ERC2: variants seen among roughly 807,000 people sequenced by gnomAD.
ERC2 encodes ELKS/RAB6-interacting/CAST family member 2.
In ERC2, 42 loss-of-function variants were observed where a neutral mutation model predicts 114.8. The ratio of observed to expected loss-of-function variants is 0.37; its 90% CI spans 0.29 to 0.47. The LOEUF (loss-of-function observed/expected upper bound fraction) is 0.47, where lower values mean the gene tolerates loss of function less well. Ranked by LOEUF, ERC2 falls within the 20% of genes least tolerant of loss-of-function variation. ERC2 has a pLI of 0.99. For missense variants in ERC2, 939 were observed against 1,150.7 expected (o/e 0.82, Z 2.66); for synonymous variants, 454 against 425.5 (o/e 1.07, Z -0.82).
intron 2 of ERC2, among the ~76,000 whole-genome samples, chr3:56,356,478 C>T (rs1391729869): frequency 6.6e-6 from 1 of 152,218 alleles, no homozygotes; most frequent in Non-Finnish European, 1.5e-5. Context: ...TAGTTGGCAT[C>T]TGACTATACC....
intron 15 of ERC2, among the ~76,000 whole-genome samples, chr3:55,732,241 G>T (rs1480380949): frequency 6.6e-6 from 1 of 152,158 alleles, no homozygotes; most frequent in Non-Finnish European, 1.5e-5. Flanking sequence ...ATAACAGGGG[G>T]TTATTTTGAT....
At chr3:56,418,526 C>T (rs969859014) in intron 2 of ERC2, among the ~76,000 whole-genome samples, 4 of 152,158 alleles carry the variant, frequency 2.6e-5, no homozygotes, top group African/African-American at 4.8e-5. Flanking sequence ...CAAGTGACCT[C>T]TCCTCTGAGG....
intron 2 of ERC2, among the ~76,000 whole-genome samples, chr3:56,336,801 G>A (rs2057873315): frequency 6.6e-6 from 1 of 151,982 alleles, no homozygotes; most frequent in Non-Finnish European, 1.5e-5. Flanking sequence ...TGTGTTATGT[G>A]GCTGAAAAGG....
chr3:55,996,767 G>A lies in ERC2; in HGVS notation c.2062-4517C>T, dbSNP rs1483433257. Among the ~76,000 whole-genome samples the A allele has an allele frequency of 3.9e-5, 6 of 152,228 alleles. No homozygotes were observed. The East Asian group carries it at 1.2e-3, about 29-fold the overall frequency. The stretch of plus-strand genomic sequence containing the variant: ...AGGCATTAAGAGGACTCTGACCATG[G>A]CTTGGGATGAGCAGTATATTAACTT... On this transcript the variant is annotated intron_variant, in intron 10 of 17. Coordinates refer to ENST00000288221, the MANE Select transcript of ERC2 (RefSeq NM_015576.3).
chr3:56,181,838 T>A (rs1455378687), intron 3 of ERC2, among the ~76,000 whole-genome samples: 1 of 152,202 alleles, frequency 6.6e-6, no homozygotes, highest in Non-Finnish European at 1.5e-5. Context: ...CATCCTATGG[T>A]GAGGCCTGTG....
chr3:55,631,108 A>G (rs575177292), intron 17 of ERC2, among the ~76,000 whole-genome samples: 31 of 151,940 alleles, frequency 2.0e-4, no homozygotes, highest in Non-Finnish European at 4.3e-4. Context: ...ATGGTGGTTT[A>G]GTTCAATACT....
chr3:55,771,730 T>C lies in ERC2; in HGVS notation c.2565-36812A>G, dbSNP rs116632587. Among the ~76,000 whole-genome samples, 1,113 of 148,108 alleles carry C rather than the reference T, an allele frequency of 7.5e-3. 14 individuals are homozygous for C. Among genetic ancestry groups the C allele is most frequent in the African/African-American group, 0.026 (1,061 of 40,430 alleles). ...TTGCTCCCATTGCACTGAGGCGAGATAATTAACCCTGCACACCTGATGAGA... is the reference window on the plus strand; with the variant it reads ...TTGCTCCCATTGCACTGAGGCGAGACAATTAACCCTGCACACCTGATGAGA... On this transcript the variant is annotated intron_variant, in intron 14 of 17. Transcript: ENST00000288221.
chr3:56,367,720 T>A (rs569948677), intron 2 of ERC2, among the ~76,000 whole-genome samples: 69 of 152,200 alleles, frequency 4.5e-4, no homozygotes, highest in Middle Eastern at 3.4e-3. Context: ...GTTACCAAAC[T>A]TTATCAAGCT....
At position 56,369,516 on chromosome 3, in the gene ERC2, T is replaced by A. The variant is rs566684385; in HGVS notation, c.657+64835A>T. Reference sequence around the variant, plus strand: ...TCAGACTCTAGTCCCACATTTGAATTCAACACATTTCCTACAGTGATAGTA... The same window carrying A: ...TCAGACTCTAGTCCCACATTTGAATACAACACATTTCCTACAGTGATAGTA... On this transcript the variant is annotated intron_variant, in intron 2 of 17. Coordinates refer to ENST00000288221, the MANE Select transcript of ERC2 (RefSeq NM_015576.3). Among the ~76,000 whole-genome samples the A allele has an allele frequency of 1.4e-4, 21 of 152,356 alleles. 1 individual carries two copies. In the South Asian group the frequency reaches 3.1e-3, roughly 23 times the overall value.
In ERC2 at chr3:55,583,544, TCTTCCTTCCTTC is replaced by T. The variant is rs377125700; in HGVS notation, c.*40-72280_*40-72269del. ...CCCTCCCTTCCTTCCTTCCTTCCTT[TCTTCCTTCCTTC>T]CTTCCTTCCTTCCTTCCTTCCTTCC... On this transcript the variant is annotated intron_variant, in intron 17 of 17. Coordinates refer to ENST00000288221, the MANE Select transcript of ERC2 (RefSeq NM_015576.3). 3.4e-3 allele frequency among the ~76,000 whole-genome samples: 131 copies of T among 39,046 alleles called. 1 individual carries two copies. Among genetic ancestry groups the T allele is most frequent in the East Asian group, 0.012 (21 of 1,810 alleles). 25.6% of individuals were successfully genotyped at this position (39,046 alleles called of 152,430 possible).
intron 17 of ERC2, among the ~76,000 whole-genome samples, chr3:55,605,767 A>G (rs566948337): frequency 5.9e-5 from 9 of 152,314 alleles, no homozygotes; most frequent in African/African-American, 2.2e-4. Context: ...TTAAACTACA[A>G]TTTCCTTAGA....
intron 4 of ERC2, among the ~76,000 whole-genome samples, chr3:56,155,229 T>G (rs1018628983): frequency 1.3e-5 from 2 of 152,158 alleles, no homozygotes; most frequent in Non-Finnish European, 2.9e-5. Context: ...ACAGGTACCA[T>G]GGGTCTTCTG....
intron 16 of ERC2, among the ~76,000 whole-genome samples, chr3:55,687,482 C>T (rs2062394424): frequency 6.6e-6 from 1 of 152,024 alleles, no homozygotes; most frequent in Admixed American, 6.5e-5. Context: ...ACTGTCACTC[C>T]TGTCCTAGAA....
At chr3:56,272,548 T>C (rs1278956588) in intron 3 of ERC2, among the ~76,000 whole-genome samples, 1 of 152,220 alleles carries the variant, frequency 6.6e-6, no homozygotes, top group South Asian at 2.1e-4. Flanking sequence ...GGCAGGCAGA[T>C]CACCTGACAT....
chr3:56,358,377 C>T (rs371056266), intron 2 of ERC2, among the ~76,000 whole-genome samples: 3 of 152,166 alleles, frequency 2.0e-5, no homozygotes, highest in East Asian at 1.9e-4. Flanking sequence ...TTTTAAACTT[C>T]CAAATAGTTC....
At chr3:55,756,147 A>C (rs967416217) in intron 14 of ERC2, among the ~76,000 whole-genome samples, 1 of 152,218 alleles carries the variant, frequency 6.6e-6, no homozygotes, top group Non-Finnish European at 1.5e-5. Flanking sequence ...CTAGAGAAAA[A>C]AAAATTTAAA....
chr3:56,043,505 C>T (rs984885709), intron 7 of ERC2, among the ~76,000 whole-genome samples: 18 of 151,026 alleles, frequency 1.2e-4, no homozygotes, highest in Non-Finnish European at 1.9e-4. Flanking sequence ...GACTGCTTAT[C>T]GGAAACACAA....
intron 4 of ERC2, among the ~76,000 whole-genome samples, chr3:56,169,802 T>C (rs904298732): frequency 7.3e-6 from 1 of 136,692 alleles, no homozygotes; most frequent in Non-Finnish European, 1.7e-5. Context: ...CTGTCATTCA[T>C]TTTCTTAAAA....
At chr3:56,152,732 A>C (rs937538861) in intron 4 of ERC2, among the ~76,000 whole-genome samples, 2 of 152,202 alleles carry the variant, frequency 1.3e-5, no homozygotes. Context: ...AAAGATCTCA[A>C]TTGAGTGTCT....
Sources: allele counts gnomAD v4.1 joint callset (sites outside exome capture counted in the v4.1 genomes callset), GRCh38; gene constraint gnomAD v4.1.1; transcripts MANE v1.5; gene names NCBI Gene and HGNC (gene_info 2026-07-23, HGNC 2026-07-21).